Variants in MYO16 observed in about 807,000 individuals in gnomAD.
MYO16 encodes unconventional myosin-XVI.
Under a neutral mutation model 205.3 loss-of-function variants are expected in MYO16, and 94 were observed. The ratio of observed to expected loss-of-function variants is 0.46; its 90% CI spans 0.39 to 0.54. MYO16 has a LOEUF of 0.54. MYO16 is among the 20% of genes least tolerant of loss of function. The pLI is 0.00. For synonymous variants in MYO16, 988 were observed against 954.0 expected (o/e 1.04, Z -0.66); for missense variants, 2,315 against 2,387.5 (o/e 0.97, Z 0.63).
At chr13:108,648,217 C>T (rs576612630) in intron 1 of MYO16, among the ~76,000 whole-genome samples, 2 of 152,296 alleles carry the variant, frequency 1.3e-5, no homozygotes, top group Admixed American at 1.3e-4. Flanking sequence ...CTTACATGAT[C>T]CAGTAATATG....
chr13:108,730,722 C>A (rs147845020), intron 4 of MYO16, among the ~76,000 whole-genome samples: 1 of 152,250 alleles, frequency 6.6e-6, no homozygotes, highest in African/African-American at 2.4e-5. Context: ...CAATCCTGGT[C>A]TCCTAAATGA....
Position 108,820,424 on chromosome 13 carries a change from G to A in MYO16, c.943+12G>A. On this transcript the variant is annotated intron_variant, in intron 8 of 34. Transcript: ENST00000457511. ...GGAGAAGGCGTCAGGTAGGTTAGGA[G>A]CATCCTTGGACCATTGAGCAGGTAC... is the stretch of plus-strand genomic sequence containing the variant. 2 of 1,595,650 alleles carry A rather than the reference G, an allele frequency of 1.3e-6. No homozygotes were observed. Among genetic ancestry groups the A allele is most frequent in the East Asian group, 2.3e-5 (1 of 43,552 alleles).
intron 23 of MYO16, among the ~76,000 whole-genome samples, chr13:109,042,425 A>G (rs1282759308): frequency 1.3e-5 from 2 of 152,208 alleles, no homozygotes; most frequent in Non-Finnish European, 2.9e-5. Flanking sequence ...GATGGTCTCC[A>G]TGTCATTTCT....
At chr13:108,638,231 A>G (rs541145028) in intron 1 of MYO16, among the ~76,000 whole-genome samples, 1 of 152,322 alleles carries the variant, frequency 6.6e-6, no homozygotes, top group Non-Finnish European at 1.5e-5. Flanking sequence ...CTGAGGCAGG[A>G]ATGAGCATGT....
In MYO16 at chr13:108,910,105, C is replaced by T. The variant is rs1356849266; in HGVS notation, c.1880C>T (p.Ala627Val). 2 of 1,613,216 alleles carry T rather than the reference C, an allele frequency of 1.2e-6. No individual in the cohort carries two copies. The highest frequency in any genetic ancestry group is 1.7e-6 in the Non-Finnish European group (2 of 1,179,542). Reference protein sequence around the residue: ...IFYLLMDGLSAEEKYGLHLNN... With the variant: ...IFYLLMDGLSVEEKYGLHLNN... ...TACTTGTTGATGGATGGGTTATCTG[C>T]TGAAGAAAAATATGGACTTCATCTT... is the stretch of plus-strand genomic sequence containing the variant. The change falls in exon 16 of 35, where the codon GCT becomes GTT. Residue 627 changes from alanine (A) to valine (V), a missense_variant. Transcript: ENST00000457511.
intron 22 of MYO16, among the ~76,000 whole-genome samples, chr13:109,012,635 A>G (rs1885640566): frequency 6.6e-6 from 1 of 151,946 alleles, no homozygotes; most frequent in Non-Finnish European, 1.5e-5. Context: ...CCTCTTGTCA[A>G]AAAGGTTGGG....
the MYO16 span, among the ~76,000 whole-genome samples, chr13:108,525,843 T>C: frequency 6.6e-6 from 1 of 152,250 alleles, no homozygotes; most frequent in Non-Finnish European, 1.5e-5. Context: ...TCATTAACTT[T>C]TACTCATTTT....
At chr13:108,547,415 G>A in the MYO16 span, among the ~76,000 whole-genome samples, 5,390 of 152,196 alleles carry the variant, frequency 0.035, 287 homozygotes, top group African/African-American at 0.12. Context: ...CCCTGATTGT[G>A]ACATTTCCTG....
intron 15 of MYO16, among the ~76,000 whole-genome samples, chr13:108,903,935 G>A (rs1880837097): frequency 6.6e-6 from 1 of 152,012 alleles, no homozygotes; most frequent in African/African-American, 2.4e-5. Flanking sequence ...ACTTTATGGT[G>A]GATTGTTTTT....
chr13:109,004,943 A>T (rs1885341734), intron 21 of MYO16, among the ~76,000 whole-genome samples: 1 of 152,226 alleles, frequency 6.6e-6, no homozygotes, highest in Non-Finnish European at 1.5e-5. Flanking sequence ...TGTTTTAATT[A>T]AGAGATGATC....
chr13:109,051,059 AC>A (rs1270222753), intron 24 of MYO16, among the ~76,000 whole-genome samples: 1 of 152,060 alleles, frequency 6.6e-6, no homozygotes, highest in East Asian at 1.9e-4. Context: ...TGCTTTTAGG[AC>A]CTTTTGGAAT....
chr13:108,880,834 T>C (rs1879578289), intron 12 of MYO16, among the ~76,000 whole-genome samples: 1 of 152,238 alleles, frequency 6.6e-6, no homozygotes, highest in South Asian at 2.1e-4. Context: ...TAGGATTGTC[T>C]TGGCAATGTA....
At chr13:108,759,922 T>G (rs1885550018) in intron 4 of MYO16, among the ~76,000 whole-genome samples, 1 of 152,202 alleles carries the variant, frequency 6.6e-6, no homozygotes, top group Admixed American at 6.5e-5. Context: ...ACAAAAGGGC[T>G]TATACTTTTT....
chr13:108,762,501 A>AT (rs910070434), intron 4 of MYO16, among the ~76,000 whole-genome samples: 23 of 151,344 alleles, frequency 1.5e-4, no homozygotes, highest in African/African-American at 3.4e-4. Flanking sequence ...CTTCACCAAC[A>AT]TTTTTTTTTA....
intron 34 of MYO16, among the ~76,000 whole-genome samples, chr13:109,189,099 A>T (rs1161630171): frequency 6.6e-6 from 1 of 151,908 alleles, no homozygotes; most frequent in Non-Finnish European, 1.5e-5. Flanking sequence ...TGTCTAAAAA[A>T]AATGAAAAAA....
At chr13:108,561,086 A>G in the MYO16 span, among the ~76,000 whole-genome samples, 1 of 152,190 alleles carries the variant, frequency 6.6e-6, no homozygotes, top group African/African-American at 2.4e-5. Flanking sequence ...TGTCTGTCCC[A>G]TAAGGTTGCT....
chr13:108,567,538 C>T, the MYO16 span, among the ~76,000 whole-genome samples: 1 of 152,080 alleles, frequency 6.6e-6, no homozygotes, highest in African/African-American at 2.4e-5. Flanking sequence ...CTGAAAATTA[C>T]TAACAGAACC....
At chr13:109,131,509 C>T (rs767622784) in intron 31 of MYO16, among the ~76,000 whole-genome samples, 10 of 152,172 alleles carry the variant, frequency 6.6e-5, no homozygotes, top group Non-Finnish European at 1.0e-4. Flanking sequence ...TGCAAACTAC[C>T]AGCAAGCTAG....
intron 6 of MYO16, among the ~76,000 whole-genome samples, chr13:108,802,678 CTTACAT>C (rs1887001917): frequency 1.3e-5 from 2 of 152,160 alleles, no homozygotes; most frequent in Non-Finnish European, 2.9e-5. Flanking sequence ...GCTGTGCTAA[CTTACAT>C]TTCTACCAGT....
Sources: gnomAD v4.1 joint callset for allele counts (sites outside exome capture counted in the v4.1 genomes callset) on GRCh38, gnomAD v4.1.1 for gene constraint, MANE v1.5 for transcripts, NCBI Gene and HGNC (gene_info 2026-07-23, HGNC 2026-07-21) for gene names.